CD2: variants seen among roughly 807,000 people sequenced by gnomAD.
CD2 encodes the protein CD2 molecule.
Under a neutral mutation model 23.2 loss-of-function variants are expected in CD2, and 18 were observed. That is an observed-to-expected ratio of 0.77 (90% confidence interval 0.54 to 1.15). The LOEUF is 1.15. CD2 is among the 50% of genes most tolerant of loss of function. CD2 has a pLI of 0.00. For synonymous variants in CD2, 162 were observed against 151.9 expected (o/e 1.07, Z -0.49); for missense variants, 424 against 423.1 (o/e 1.00, Z -0.02).
intron 3 of CD2, among the ~76,000 whole-genome samples, chr1:116,764,224 G>A (rs894736396): frequency 2.6e-5 from 4 of 152,080 alleles, no homozygotes; most frequent in South Asian, 2.1e-4. Context: ...TGGGCAGGCC[G>A]GCCTTGGTGC....
At chr1:116,768,067 T>C (rs1249055285) in intron 4 of CD2, among the ~76,000 whole-genome samples, 1 of 152,186 alleles carries the variant, frequency 6.6e-6, no homozygotes, top group East Asian at 1.9e-4. Flanking sequence ...GGAATGTAGT[T>C]ACTAATATCC....
intron 2 of CD2, among the ~76,000 whole-genome samples, chr1:116,756,317 T>C (rs1156656215): frequency 6.6e-6 from 1 of 152,318 alleles, no homozygotes; most frequent in East Asian, 1.9e-4. Context: ...CGGGGGACCA[T>C]GCTGGTGTTT....
intron 2 of CD2, among the ~76,000 whole-genome samples, chr1:116,757,719 GT>G (rs1403568188): frequency 2.6e-5 from 4 of 151,624 alleles, no homozygotes; most frequent in East Asian, 1.9e-4. Flanking sequence ...ACATAAATTA[GT>G]TTTAATTTTT....
chr1:116,754,799 C>T lies in CD2; in HGVS notation c.230C>T (p.Thr77Ile). 5.0e-6 allele frequency: 8 copies of T among 1,612,922 alleles called. No individual in the cohort carries two copies. Among genetic ancestry groups the T allele is most frequent in the Non-Finnish European group, 5.9e-6 (7 of 1,179,624 alleles). Reference protein sequence around the residue: ...KIAQFRKEKETFKEKDTYKLF... With the variant: ...KIAQFRKEKEIFKEKDTYKLF... ...GCACAATTCAGAAAAGAGAAAGAGA[C>T]TTTCAAGGAAAAAGATACATATAAG... Residue 77 changes from threonine (T) to isoleucine (I), a missense_variant, in exon 2 of 5, where the codon ACT (threonine) becomes ATT (isoleucine). Physicochemically the swap from Thr to Ile is moderately conservative, Grantham distance 89. Transcript: ENST00000369478.
chr1:116,756,730 A>T (rs904223501), intron 2 of CD2, among the ~76,000 whole-genome samples: 2 of 152,196 alleles, frequency 1.3e-5, no homozygotes, highest in African/African-American at 4.8e-5. Flanking sequence ...TAGCCGAAAG[A>T]CAGTGACTTG....
In CD2 at chr1:116,760,441, A is replaced by G. The variant is rs1426429981; in HGVS notation, c.422A>G (p.Asn141Ser). The G allele has an allele frequency of 6.8e-6, 11 of 1,614,196 alleles. No homozygotes were observed. The highest frequency in any genetic ancestry group is 9.3e-6 in the Non-Finnish European group (11 of 1,180,030). The change falls in exon 3 of 5, where the codon AAC (asparagine) becomes AGC (serine). Residue 141 changes from asparagine to serine, a missense_variant. Physicochemically the swap from Asn to Ser is conservative, Grantham distance 46. Coordinates refer to ENST00000369478, the MANE Select transcript of CD2 (RefSeq NM_001767.5). ...SKPKISWTCI[N>S]TTLTCEVMNG... is the part of the protein sequence containing the mutation. ...CCAAAGATCTCCTGGACTTGTATCA[A>G]CACAACCCTGACCTGTGAGGTAATG...
intron 2 of CD2, among the ~76,000 whole-genome samples, chr1:116,757,208 G>A (rs1257441171): frequency 6.6e-6 from 1 of 151,990 alleles, no homozygotes; most frequent in Non-Finnish European, 1.5e-5. Context: ...TGTTGGTCAG[G>A]CTGGTCTCAA....
chr1:116,754,888 G>T lies in CD2; in HGVS notation c.319G>T (p.Val107Leu), dbSNP rs775786394. The T allele has an allele frequency of 1.2e-5, 19 of 1,609,248 alleles. No individual in the cohort carries two copies. The African/African-American group carries it at 1.5e-4, about 12-fold the overall frequency. The change falls in exon 2 of 5, where the codon GTA (valine) becomes TTA (leucine). Residue 107 changes from valine to leucine, a missense_variant. Transcript: ENST00000369478. ...LKTDDQDIYK[V>L]SIYDTKGKNV... is the part of the protein sequence containing the mutation. ...GACCGATGATCAGGATATCTACAAG[G>T]TATCAATATATGATACAAAAGGAAA...
chr1:116,754,924 G>GA lies in CD2; in HGVS notation c.361dup (p.Ile121AsnfsTer3), dbSNP rs1651790586. ...TGATACAAAAGGAAAAAATGTGTTG[G>GA]AAAAAATATTTGATTTGAAGATTCA... is the stretch of plus-strand genomic sequence containing the variant. On this transcript the variant is annotated frameshift_variant, in exon 2 of 5. Coordinates refer to ENST00000369478, the MANE Select transcript of CD2 (RefSeq NM_001767.5). LOFTEE classifies it high-confidence loss of function. 1.3e-6 allele frequency: 2 copies of GA among 1,594,784 alleles called. No homozygotes were observed. The highest frequency in any genetic ancestry group is 1.1e-5 in the South Asian group (1 of 87,140).
At chr1:116,767,193 G>A (rs1034329915) in intron 4 of CD2, among the ~76,000 whole-genome samples, 1 of 152,186 alleles carries the variant, frequency 6.6e-6, no homozygotes, top group South Asian at 2.1e-4. Context: ...CACATTTCAT[G>A]TAGTCAGAGG....
At chr1:116,760,306 G>A (rs1045092942) in intron 2 of CD2, 96 bp from the exon 3 acceptor site, 9 of 858,262 alleles carry the variant, frequency 1.0e-5, no homozygotes, top group Non-Finnish European at 1.7e-5. Context: ...TTGTTCCCTT[G>A]TCCCTAACTG....
At chr1:116,757,570 G>C (rs1442155431) in intron 2 of CD2, among the ~76,000 whole-genome samples, 1 of 152,082 alleles carries the variant, frequency 6.6e-6, no homozygotes, top group Non-Finnish European at 1.5e-5. Context: ...AGAACAGTCA[G>C]CAGTTAGAAA....
chr1:116,763,558 A>G (rs917265945), intron 3 of CD2, among the ~76,000 whole-genome samples: 1 of 152,240 alleles, frequency 6.6e-6, no homozygotes, highest in African/African-American at 2.4e-5. Flanking sequence ...AACACTAGTA[A>G]GAGCAAGACC....
intron 3 of CD2, among the ~76,000 whole-genome samples, chr1:116,761,272 C>G (rs1456594233): frequency 6.6e-6 from 1 of 152,220 alleles, no homozygotes; most frequent in East Asian, 1.9e-4. Context: ...GAGAGGCAGC[C>G]TTCTATAGTG....
rs937371755 is a variant in CD2 at position 116,766,962 on chromosome 1, C to A, written c.737-1502C>A. On this transcript the variant is annotated intron_variant, in intron 4 of 4. Coordinates refer to ENST00000369478, the MANE Select transcript of CD2 (RefSeq NM_001767.5). ...ACATAGGAGATGAAGAAGGACCACC[C>A]ACTGCCCCATAATTCAGAACTAGGG... 2.0e-5 allele frequency among the ~76,000 whole-genome samples: 3 copies of A among 152,164 alleles called. No individual in the cohort carries two copies. In the South Asian group the frequency reaches 6.2e-4, roughly 32 times the overall value.
intron 4 of CD2, among the ~76,000 whole-genome samples, chr1:116,767,530 G>A (rs1431926282): frequency 6.6e-6 from 1 of 151,182 alleles, no homozygotes; most frequent in Non-Finnish European, 1.5e-5. Context: ...GGCAGAGGCT[G>A]CAGTGAGCCA....
chr1:116,764,021 G>C (rs948082070), intron 3 of CD2, among the ~76,000 whole-genome samples: 3 of 152,068 alleles, frequency 2.0e-5, no homozygotes, highest in Non-Finnish European at 4.4e-5. Context: ...CCAGAGACGA[G>C]AGCAGGATCA....
At chr1:116,764,818 G>C in intron 4 of CD2, 1 of 559,756 alleles carries the variant, frequency 1.8e-6, no homozygotes, top group Non-Finnish European at 3.2e-6. Flanking sequence ...TGGGAGCTTT[G>C]AGACACTGAA....
chr1:116,754,605 C>T, intron 1 of CD2, 26 bp from the exon 2 acceptor site: 1 of 1,607,178 alleles, frequency 6.2e-7, no homozygotes, highest in Non-Finnish European at 8.5e-7. Context: ...GAAAGTGACT[C>T]TCAGTAACTC....
Sources: gnomAD v4.1 joint callset for allele counts (sites outside exome capture counted in the v4.1 genomes callset) on GRCh38, gnomAD v4.1.1 for gene constraint, MANE v1.5 for transcripts, NCBI Gene and HGNC (gene_info 2026-07-23, HGNC 2026-07-21) for gene names.